The following FBN1 variants were observed in gnomAD, a reference collection of about 807,000 sequenced individuals.
The protein encoded by FBN1 is fibrillin-1.
In FBN1, 29 loss-of-function variants were observed where a neutral mutation model predicts 365.1. That is an observed-to-expected ratio of 0.08 (90% CI 0.06 to 0.11). The LOEUF is 0.11. Ranked by LOEUF, FBN1 falls within the 10% of genes least tolerant of loss-of-function variation. The pLI is 1.00. For missense variants in FBN1, 2,476 were observed against 3,703.2 expected, an observed-to-expected ratio of 0.67 and a Z score of 8.60; for synonymous variants, 1,210 against 1,270.5, an observed-to-expected ratio of 0.95 and a Z score of 1.01.
chr15:48,610,783 T>C lies in FBN1; in HGVS notation c.291A>G (p.Pro97=). Reference sequence around the variant, plus strand: ...GACCAGATGGGCAAGTGCACATATTTGGCCTCGAACAAAATCCATCCCCAC... The same window carrying C: ...GACCAGATGGGCAAGTGCACATATTCGGCCTCGAACAAAATCCATCCCCAC... ...HSCGDGFCSR[P]NMCTCPSGQI... The change falls in exon 4 of 66, where the codon CCA becomes CCG. Residue 97 remains proline, a synonymous_variant. Coordinates refer to ENST00000316623, the MANE Select transcript of FBN1 (RefSeq NM_000138.5). The C allele has an allele frequency of 1.2e-6, 2 of 1,614,188 alleles. No homozygotes were observed. Among genetic ancestry groups the C allele is most frequent in the African/African-American group, 1.3e-5 (1 of 75,054 alleles).
chr15:48,416,334 C>T (rs911460311), intron 63 of FBN1, among the ~76,000 whole-genome samples: 2 of 152,174 alleles, frequency 1.3e-5, no homozygotes, highest in South Asian at 2.1e-4. Context: ...GTCTGCCCCA[C>T]GTGTCTGCCC....
At chr15:48,425,966 T>C in intron 58 of FBN1, 102 bp from the exon 59 acceptor site, 3 of 942,214 alleles carry the variant, frequency 3.2e-6, no homozygotes, top group South Asian at 1.4e-5. Flanking sequence ...TGTGTTACTA[T>C]ATTTTGGGCC....
rs572905794 is a variant in FBN1, at chr15:48,485,809, C to A, written c.3590-313G>T. Among the ~76,000 whole-genome samples, 134 of 152,296 alleles carry A rather than the reference C, an allele frequency of 8.8e-4. 1 individual carries two copies. Among genetic ancestry groups the A allele is most frequent in the African/African-American group, 3.2e-3 (131 of 41,544 alleles). ...CTCCAGAACTGTGAACTAATAATTT[C>A]TATTCATTATAAATCACCCAGTTTC... On this transcript the variant is annotated intron_variant, in intron 29 of 65. Coordinates refer to ENST00000316623, the MANE Select transcript of FBN1 (RefSeq NM_000138.5).
chr15:48,484,771 T>G (rs1295676352), intron 30 of FBN1, among the ~76,000 whole-genome samples: 1 of 152,232 alleles, frequency 6.6e-6, no homozygotes, highest in Non-Finnish European at 1.5e-5. Flanking sequence ...CCAAATTCTC[T>G]TCTTAAGCCA....
At chr15:48,469,841 G>T (rs536972260) in intron 36 of FBN1, among the ~76,000 whole-genome samples, 1 of 152,104 alleles carries the variant, frequency 6.6e-6, no homozygotes, top group Non-Finnish European at 1.5e-5. Flanking sequence ...GAAAACCAAG[G>T]GAAGAATGTG....
chr15:48,425,512 C>T lies in FBN1; in HGVS notation c.7331-21G>A, dbSNP rs189985422. The T allele has an allele frequency of 3.5e-5, 56 of 1,613,856 alleles. No homozygotes were observed. The African/African-American group carries it at 4.3e-4, about 12-fold the overall frequency. On this transcript the variant is annotated intron_variant, in intron 59 of 65. Coordinates refer to ENST00000316623, the MANE Select transcript of FBN1 (RefSeq NM_000138.5). ...CAGATCTATGATCAAAGAAATACAGCGTGACTGTGCATCTAAAAATGATGT... is the reference window on the plus strand; with the variant it reads ...CAGATCTATGATCAAAGAAATACAGTGTGACTGTGCATCTAAAAATGATGT...
At chr15:48,519,696 A>C (rs2043834592) in intron 10 of FBN1, among the ~76,000 whole-genome samples, 1 of 152,194 alleles carries the variant, frequency 6.6e-6, no homozygotes, top group Non-Finnish European at 1.5e-5. Flanking sequence ...AAGTTTTAGA[A>C]AAAAAAGCCA....
At chr15:48,482,839 G>A (rs1160719851) in intron 31 of FBN1, among the ~76,000 whole-genome samples, 6 of 152,190 alleles carry the variant, frequency 3.9e-5, no homozygotes, top group Non-Finnish European at 2.9e-5. Flanking sequence ...GATTGTGCCT[G>A]TTCCCACCAG....
chr15:48,545,048 A>C (rs2044084495), intron 6 of FBN1, among the ~76,000 whole-genome samples: 1 of 152,236 alleles, frequency 6.6e-6, no homozygotes, highest in African/African-American at 2.4e-5. Context: ...CAAACACTGA[A>C]GTTTGACCAC....
intron 2 of FBN1, among the ~76,000 whole-genome samples, chr15:48,624,190 C>G (rs1001103034): frequency 6.6e-6 from 1 of 152,084 alleles, no homozygotes; most frequent in Non-Finnish European, 1.5e-5. Context: ...ACAATTGAAC[C>G]ATGAAGACCA....
At chr15:48,477,981 G>GC (rs1036773522) in intron 32 of FBN1, among the ~76,000 whole-genome samples, 9 of 152,118 alleles carry the variant, frequency 5.9e-5, no homozygotes, top group Non-Finnish European at 1.2e-4. Context: ...ATGGGCTTGT[G>GC]CCCGGGGCTG....
intron 45 of FBN1, among the ~76,000 whole-genome samples, chr15:48,449,354 C>A (rs949064666): frequency 6.6e-6 from 1 of 152,190 alleles, no homozygotes; most frequent in African/African-American, 2.4e-5. Context: ...GGACAACCTA[C>A]ATGGCTGCTT....
intron 1 of FBN1, among the ~76,000 whole-genome samples, chr15:48,645,225 C>T (rs1214842886): frequency 1.3e-5 from 2 of 152,198 alleles, no homozygotes; most frequent in African/African-American, 4.8e-5. Context: ...CGGGCGAGCT[C>T]TCTGGGTTTA....
intron 4 of FBN1, among the ~76,000 whole-genome samples, chr15:48,603,475 G>A (rs1019681530): frequency 2.6e-5 from 4 of 152,276 alleles, no homozygotes; most frequent in East Asian, 1.9e-4. Context: ...AACTAGATAC[G>A]TAGTTTCACT....
intron 52 of FBN1, 68 bp downstream of exon 52, chr15:48,437,254 A>C: frequency 6.9e-7 from 1 of 1,454,314 alleles, no homozygotes; most frequent in Non-Finnish European, 9.6e-7. Context: ...GAGAAAAATA[A>C]GAATAACTAG....
chr15:48,536,532 A>C (rs1450003258), intron 7 of FBN1, among the ~76,000 whole-genome samples: 1 of 152,244 alleles, frequency 6.6e-6, no homozygotes, highest in African/African-American at 2.4e-5. Flanking sequence ...AAAAATAAGA[A>C]GGCACCAAAA....
At chr15:48,584,735 T>C (rs555402506) in intron 6 of FBN1, among the ~76,000 whole-genome samples, 1 of 152,198 alleles carries the variant, frequency 6.6e-6, no homozygotes, top group Non-Finnish European at 1.5e-5. Flanking sequence ...TTATGCCGTC[T>C]GAAAAAATAA....
chr15:48,452,325 G>C (rs1345840868), intron 45 of FBN1, among the ~76,000 whole-genome samples: 13 of 152,158 alleles, frequency 8.5e-5, no homozygotes, highest in Non-Finnish European at 1.9e-4. Flanking sequence ...CTATGTATGC[G>C]AATGATTTAC....
chr15:48,530,459 T>C (rs1208426300), intron 8 of FBN1, among the ~76,000 whole-genome samples: 1 of 152,192 alleles, frequency 6.6e-6, no homozygotes, highest in Non-Finnish European at 1.5e-5. Context: ...GTAATTGACT[T>C]ATCTAAGATC....
Sources: allele counts gnomAD v4.1 joint callset (sites outside exome capture counted in the v4.1 genomes callset), GRCh38; gene constraint gnomAD v4.1.1; transcripts MANE v1.5; gene names NCBI Gene and HGNC (gene_info 2026-07-23, HGNC 2026-07-21).